ESCO2: variants seen among roughly 807,000 people sequenced by gnomAD.
ESCO2 encodes the protein N-acetyltransferase ESCO2.
In ESCO2, 51 loss-of-function variants were observed where a neutral mutation model predicts 61.7. That is an observed-to-expected ratio of 0.83 (90% confidence interval 0.66 to 1.04). ESCO2 has a LOEUF of 1.04. Ranked by LOEUF, ESCO2 falls within the 50% of genes least tolerant of loss-of-function variation. The pLI is 0.00. For missense variants in ESCO2, 692 were observed against 686.2 expected (o/e 1.01, Z -0.09); for synonymous variants, 230 against 238.2 (o/e 0.97, Z 0.32).
In ESCO2 at chr8:27,780,216, G is replaced by A. The variant is rs1804893693; in HGVS notation, c.904G>A (p.Asp302Asn). 1.2e-6 allele frequency: 2 copies of A among 1,611,918 alleles called. No homozygotes were observed. Among genetic ancestry groups the A allele is most frequent in the Non-Finnish European group, 1.7e-6 (2 of 1,178,756 alleles). ...DRVSSKEHKVDKNEAFSSEDS... is the reference protein window; with the variant it reads ...DRVSSKEHKVNKNEAFSSEDS... ...AGTTTCTTCAAAGGAACATAAAGTT[G>A]ATAAAAATGAGGCTTTTTCTTCAGA... is the stretch of plus-strand genomic sequence containing the variant. Residue 302 changes from aspartate (D) to asparagine (N), a missense_variant, in exon 4 of 11, where the codon GAT becomes AAT. Transcript: ENST00000305188.
chr8:27,811,406 A>T, downstream of ESCO2: 1 of 542,682 alleles, frequency 1.8e-6, no homozygotes, highest in Non-Finnish European at 3.3e-6. Flanking sequence ...TTGAGATTAC[A>T]GACTCTGGAG....
chr8:27,780,076 C>A, intron 3 of ESCO2, 98 bp from the exon 4 acceptor site: 1 of 772,678 alleles, frequency 1.3e-6, no homozygotes, highest in South Asian at 1.5e-5. Context: ...CATAATAAAC[C>A]AAATCTTTTG....
chr8:27,797,865 G>A (rs1428663191), intron 9 of ESCO2, among the ~76,000 whole-genome samples: 1 of 151,788 alleles, frequency 6.6e-6, no homozygotes, highest in Non-Finnish European at 1.5e-5. Context: ...ATCTTTTTAT[G>A]TTGTGTATTT....
At chr8:27,793,485 T>TG (rs935958675) in intron 9 of ESCO2, among the ~76,000 whole-genome samples, 36 of 151,160 alleles carry the variant, frequency 2.4e-4, no homozygotes, top group Admixed American at 5.3e-4. Context: ...CTTTGTTTTT[T>TG]TTTTTTTTTT....
Position 27,776,921 on chromosome 8 carries a change from C to T in ESCO2, c.613C>T (p.Leu205Phe), listed in dbSNP as rs1804805991. 1.9e-6 allele frequency: 3 copies of T among 1,614,048 alleles called. No homozygotes were observed. Among genetic ancestry groups the T allele is most frequent in the Non-Finnish European group, 2.5e-6 (3 of 1,180,040 alleles). ...LSQKIKPQVT[L>F]QGGAAFFVRK... ...CCAAAAAATAAAACCACAAGTTACA[C>T]TCCAGGGTGGAGCAGCATTTTTTGT... Residue 205 changes from leucine (L) to phenylalanine (F), a missense_variant, in exon 3 of 11, where the codon CTC becomes TTC. Coordinates refer to ENST00000305188, the MANE Select transcript of ESCO2 (RefSeq NM_001017420.3).
chr8:27,798,199 C>T (rs1200118182), intron 9 of ESCO2, among the ~76,000 whole-genome samples: 22 of 152,188 alleles, frequency 1.4e-4, no homozygotes, highest in Non-Finnish European at 2.9e-5. Flanking sequence ...GTGGCTCACA[C>T]CTGTAATCCT....
intron 5 of ESCO2, among the ~76,000 whole-genome samples, chr8:27,787,317 A>C (rs1805067382): frequency 1.3e-5 from 2 of 149,920 alleles, no homozygotes; most frequent in Non-Finnish European, 1.5e-5. Context: ...ATCCAGCCTA[A>C]ATATGTTTTT....
chr8:27,786,909 A>G (rs570664303), intron 5 of ESCO2, among the ~76,000 whole-genome samples: 2 of 116,502 alleles, frequency 1.7e-5, no homozygotes, highest in South Asian at 2.6e-4. Context: ...AGGGATTTCT[A>G]CTCCTTTGGT....
chr8:27,811,345 T>C, downstream of ESCO2: 1 of 600,832 alleles, frequency 1.7e-6, no homozygotes, highest in Admixed American at 2.9e-5. Context: ...GGCAGGTATG[T>C]AGAGAAACAG....
chr8:27,810,364 C>A (rs1805648837), downstream of ESCO2: 2 of 1,612,416 alleles, frequency 1.2e-6, no homozygotes, highest in African/African-American at 1.3e-5. Flanking sequence ...TCTTTAGGGT[C>A]TTCATTAGTG....
At chr8:27,784,161 T>G in intron 5 of ESCO2, 104 bp downstream of exon 5, 1 of 1,046,040 alleles carries the variant, frequency 9.6e-7, no homozygotes, top group Non-Finnish European at 1.5e-6. Flanking sequence ...TTTTTTTTTC[T>G]TCCTCACTAA....
chr8:27,809,972 ATATT>A (rs937028651), downstream of ESCO2: 4 of 247,498 alleles, frequency 1.6e-5, no homozygotes, highest in South Asian at 5.7e-5. Flanking sequence ...AAAATATAGA[ATATT>A]TAAGAAAGAT....
chr8:27,799,449 A>T, intron 9 of ESCO2, 92 bp from the exon 10 acceptor site: 1 of 1,286,490 alleles, frequency 7.8e-7, no homozygotes, highest in Non-Finnish European at 1.1e-6. Flanking sequence ...GATATAAGTT[A>T]AATTTTTGAT....
rs376554134 is a variant in ESCO2, at chr8:27,802,058, C to G, written c.1674-1248C>G. ...AATCTTCATCTTCCCTAATCTGGAA[C>G]AATTTCTCAGTCTTTTGACATGGAA... On this transcript the variant is annotated intron_variant, in intron 10 of 10. Coordinates refer to ENST00000305188, the MANE Select transcript of ESCO2 (RefSeq NM_001017420.3). Among the ~76,000 whole-genome samples the G allele has an allele frequency of 3.1e-5, 4 of 128,712 alleles. No individual in the cohort carries two copies. The South Asian group carries it at 1.1e-3, about 34-fold the overall frequency. The allele number at this position is 128,712 out of a possible 152,430, so 84.4% of individuals were successfully genotyped here.
intron 10 of ESCO2, 56 bp downstream of exon 10, chr8:27,799,772 C>A: frequency 6.3e-7 from 1 of 1,590,322 alleles, no homozygotes; most frequent in Non-Finnish European, 8.6e-7. Flanking sequence ...TTTCCCAGAA[C>A]CTCTCGGCTT....
chr8:27,792,060 A>T lies in ESCO2; in HGVS notation c.1353+8A>T. 6.2e-7 allele frequency: 1 copy of T among 1,613,486 alleles called. No homozygotes were observed. The highest frequency in any genetic ancestry group is 8.5e-7 in the Non-Finnish European group (1 of 1,179,440). On this transcript the variant is annotated splice_region_variant and intron_variant, in intron 8 of 10. Transcript: ENST00000305188. Reference sequence around the variant, plus strand: ...AGCTTTGCTATCAAAAAGGTATGGAACATTATCTTTTTATCTCTTGCCTTT... The same window carrying T: ...AGCTTTGCTATCAAAAAGGTATGGATCATTATCTTTTTATCTCTTGCCTTT...
Position 27,788,035 on chromosome 8 carries a change from T to C in ESCO2, c.1131+33T>C, listed in dbSNP as rs551062280. On this transcript the variant is annotated intron_variant, in intron 6 of 10. Transcript: ENST00000305188. Reference sequence around the variant, plus strand: ...AATTCCAAACAAAGCTTCTCCTATCTAGCCCTTTGCAGAAAAGCTTGCCAA... The same window carrying C: ...AATTCCAAACAAAGCTTCTCCTATCCAGCCCTTTGCAGAAAAGCTTGCCAA... 1.1e-5 allele frequency: 16 copies of C among 1,510,924 alleles called. No homozygotes were observed. The South Asian group carries it at 1.8e-4, about 17-fold the overall frequency. 93.6% of individuals were successfully genotyped at this position (1,510,924 alleles called of 1,614,324 possible).
chr8:27,787,477 A>G (rs1378123666), intron 5 of ESCO2, among the ~76,000 whole-genome samples: 1 of 152,174 alleles, frequency 6.6e-6, no homozygotes, highest in East Asian at 1.9e-4. Context: ...TCAGTATTAT[A>G]CTTATTTTCT....
intron 10 of ESCO2, among the ~76,000 whole-genome samples, chr8:27,802,329 C>T (rs1388301826): frequency 2.6e-5 from 4 of 151,228 alleles, no homozygotes; most frequent in Non-Finnish European, 5.9e-5. Context: ...TGGACGGTCG[C>T]TCTTGCCTGT....
Sources: gnomAD v4.1 joint callset for allele counts (sites outside exome capture counted in the v4.1 genomes callset) on GRCh38, gnomAD v4.1.1 for gene constraint, MANE v1.5 for transcripts, NCBI Gene and HGNC (gene_info 2026-07-23, HGNC 2026-07-21) for gene names.